TRAPPC2: variants seen among roughly 807,000 people sequenced by gnomAD.
TRAPPC2 encodes trafficking protein particle complex subunit 2, also known as sedlin.
TRAPPC2 carries 4 observed loss-of-function variants against 10.0 expected under a neutral mutation model. The ratio of observed to expected loss-of-function variants is 0.40; its 90% CI spans 0.20 to 0.92. TRAPPC2 has a LOEUF of 0.92. Ranked by LOEUF, TRAPPC2 falls within the 40% of genes least tolerant of loss-of-function variation. TRAPPC2 has a pLI of 0.35. For synonymous variants in TRAPPC2, 36 were observed against 37.3 expected (o/e 0.97, Z 0.12); for missense variants, 52 against 108.7 (o/e 0.48, Z 2.32).
chrX:13,727,453 A>C (rs147129299), intron 2 of TRAPPC2, among the ~76,000 whole-genome samples: 1,589 of 112,387 alleles, frequency 0.014, 27 homozygotes, highest in African/African-American at 0.048. Flanking sequence ...ACTCACTCAA[A>C]ACTGCTCAAC....
intron 2 of TRAPPC2, among the ~76,000 whole-genome samples, chrX:13,727,340 C>CTAAA (rs1290979825): frequency 8.9e-6 from 1 of 112,208 alleles, no homozygotes; most frequent in African/African-American, 3.2e-5. Context: ...AAATTGACTA[C>CTAAA]ATAATTGGAA....
At position 13,714,143 on chromosome X, in the gene TRAPPC2, G is replaced by GAAAAAA. The variant is rs1057515794; in HGVS notation, c.*258_*263dup. The GAAAAAA allele has an allele frequency of 3.2e-5, 2 of 62,698 alleles. No individual in the cohort carries two copies. Among genetic ancestry groups the GAAAAAA allele is most frequent in the Non-Finnish European group, 2.9e-5 (1 of 34,975 alleles). 5.2% of individuals were successfully genotyped at this position (62,698 alleles called of 1,213,427 possible). A position where few individuals can be genotyped will look rare whatever the true frequency, so the allele number is the denominator to read the frequency against. The stretch of plus-strand genomic sequence containing the variant: ...GGCAACAGAGTGAGACTCTGTATCA[G>GAAAAAA]AAAAAAAAAAAAAAAAAAAACATGA... On this transcript the variant is annotated 3_prime_UTR_variant, in exon 6 of 6. Transcript: ENST00000380579.
At chrX:13,721,974 A>G (rs1256297386) in intron 2 of TRAPPC2, 2 of 110,384 alleles carry the variant, frequency 1.8e-5, no homozygotes, top group African/African-American at 6.6e-5. Flanking sequence ...TAGGGGAAAG[A>G]TAAGAAAAAG....
At chrX:13,728,502 CAT>C (rs1178755398) in intron 2 of TRAPPC2, among the ~76,000 whole-genome samples, 4 of 112,140 alleles carry the variant, frequency 3.6e-5, no homozygotes, top group South Asian at 3.7e-4. Flanking sequence ...ACAAAATCCA[CAT>C]GATTATCTCA....
At position 13,713,459 on chromosome X, in the gene TRAPPC2, AAAAAAC is replaced by A. The variant is rs2046241937; in HGVS notation, c.*942_*947del. ...GAGCAAGACTCCATCTCAAAAAAACAAAAAACAAAAAACAAAAACAAAAACCCACAA... is the reference window on the plus strand; with the variant it reads ...GAGCAAGACTCCATCTCAAAAAAACAAAAAAACAAAAACAAAAACCCACAA... On this transcript the variant is annotated 3_prime_UTR_variant, in exon 6 of 6. Coordinates refer to ENST00000380579, the MANE Select transcript of TRAPPC2 (RefSeq NM_001011658.4). 1 of 106,646 alleles carries A rather than the reference AAAAAAC, an allele frequency of 9.4e-6. No individual in the cohort carries two copies. The highest frequency in any genetic ancestry group is 1.9e-5 in the Non-Finnish European group (1 of 51,969). The allele number at this position is 106,646 out of a possible 1,213,427, so 8.8% of individuals were successfully genotyped here.
At chrX:13,729,847 G>T (rs191318767) in intron 2 of TRAPPC2, among the ~76,000 whole-genome samples, 146 of 112,019 alleles carry the variant, frequency 1.3e-3, no homozygotes, top group Non-Finnish European at 2.3e-3. Flanking sequence ...GGTGGAGGTT[G>T]CAGTGAGTCA....
In TRAPPC2 at chrX:13,713,103, C is replaced by CA. The variant is rs35590746; in HGVS notation, c.*1303dup. 2,218 of 68,917 alleles carry CA rather than the reference C, an allele frequency of 0.032. 83 individuals carry two copies. The highest frequency in any genetic ancestry group is 0.11 in the African/African-American group (1,916 of 17,751). The allele number at this position is 68,917 out of a possible 1,213,427, so 5.7% of individuals were successfully genotyped here. ...TGGACAACAGAGCGAAACTCCATCT[C>CA]AAAAAAAAAAAAAAAACCCCAAAGA... On this transcript the variant is annotated 3_prime_UTR_variant, in exon 6 of 6. Transcript: ENST00000380579.
At position 13,712,247 on chromosome X, in the gene TRAPPC2, G is replaced by C. The variant is rs1176167583; in HGVS notation, c.*2160C>G. On this transcript the variant is annotated 3_prime_UTR_variant, in exon 6 of 6. Coordinates refer to ENST00000380579, the MANE Select transcript of TRAPPC2 (RefSeq NM_001011658.4). ...ATGGATATTAAACTACCACGATCTT[G>C]AGCAAACATCTTTATTTAAGAAATC... 1.8e-5 allele frequency: 2 copies of C among 111,789 alleles called. No homozygotes were observed. The highest frequency in any genetic ancestry group is 6.5e-5 in the African/African-American group (2 of 30,696). The allele number at this position is 111,789 out of a possible 1,213,427, so 9.2% of individuals were successfully genotyped here.
intron 2 of TRAPPC2, chrX:13,722,353 A>C (rs1263689468): frequency 9.0e-6 from 1 of 110,755 alleles, no homozygotes; most frequent in African/African-American, 3.3e-5. Flanking sequence ...GCGCTAAGTC[A>C]GCAGGAAGAC....
intron 2 of TRAPPC2, among the ~76,000 whole-genome samples, chrX:13,733,232 C>T (rs2046717411): frequency 9.0e-6 from 1 of 111,005 alleles, no homozygotes; most frequent in Non-Finnish European, 1.9e-5. Context: ...TTTCATCATT[C>T]CACTCAAAAG....
rs1355414200 is a variant in TRAPPC2 at position 13,713,459 on chromosome X, A to AAAAAAAAAC, written c.*947_*948insGTTTTTTTT. 1 of 106,646 alleles carries AAAAAAAAAC rather than the reference A, an allele frequency of 9.4e-6. No homozygotes were observed. Among genetic ancestry groups the AAAAAAAAAC allele is most frequent in the African/African-American group, 3.5e-5 (1 of 28,811 alleles). The allele number at this position is 106,646 out of a possible 1,213,427, so 8.8% of individuals were successfully genotyped here. Reference sequence around the variant, plus strand: ...GAGCAAGACTCCATCTCAAAAAAACAAAAAACAAAAAACAAAAACAAAAAC... The same window carrying AAAAAAAAAC: ...GAGCAAGACTCCATCTCAAAAAAACAAAAAAAAACAAAAACAAAAAACAAAAACAAAAAC... On this transcript the variant is annotated 3_prime_UTR_variant, in exon 6 of 6. Coordinates refer to ENST00000380579, the MANE Select transcript of TRAPPC2 (RefSeq NM_001011658.4).
intron 2 of TRAPPC2, among the ~76,000 whole-genome samples, chrX:13,728,152 T>G (rs978710236): frequency 1.8e-5 from 2 of 111,671 alleles, no homozygotes; most frequent in African/African-American, 3.3e-5. Context: ...TGGATTCACA[T>G]CCGAATTCTA....
intron 2 of TRAPPC2, chrX:13,721,743 C>T (rs1399586432): frequency 1.1e-5 from 1 of 94,724 alleles, no homozygotes; most frequent in Non-Finnish European, 2.0e-5. Context: ...GAACTCCTGG[C>T]ATGATGACGT....
chrX:13,731,962 G>T (rs1219724340), intron 2 of TRAPPC2, among the ~76,000 whole-genome samples: 1 of 112,092 alleles, frequency 8.9e-6, no homozygotes, highest in Non-Finnish European at 1.9e-5. Flanking sequence ...AAGAGGATAA[G>T]AAAGCAAGCC....
At chrX:13,716,309 G>C in intron 4 of TRAPPC2, 2 of 548,441 alleles carry the variant, frequency 3.6e-6, no homozygotes, top group Non-Finnish European at 5.8e-6. Context: ...CCCTTGATAG[G>C]GTCCAGATAA....
At chrX:13,717,370 G>A (rs1004372800) in intron 3 of TRAPPC2, among the ~76,000 whole-genome samples, 2 of 112,294 alleles carry the variant, frequency 1.8e-5, no homozygotes, top group Non-Finnish European at 3.8e-5. Flanking sequence ...GTGAACAGAA[G>A]GTGGGACTGT....
intron 5 of TRAPPC2, among the ~76,000 whole-genome samples, chrX:13,714,952 A>G (rs764752821): frequency 8.9e-6 from 1 of 112,492 alleles, no homozygotes; most frequent in African/African-American, 3.2e-5. Flanking sequence ...CTGCTAAATG[A>G]TCAGCTTCTC....
chrX:13,731,530 A>T (rs2046677282), intron 2 of TRAPPC2, among the ~76,000 whole-genome samples: 1 of 112,345 alleles, frequency 8.9e-6, no homozygotes, highest in Non-Finnish European at 1.9e-5. Context: ...TATCTACCTA[A>T]GAACAAACTG....
chrX:13,718,253 C>T (rs1460098652), intron 3 of TRAPPC2, among the ~76,000 whole-genome samples: 1 of 113,047 alleles, frequency 8.8e-6, no homozygotes. Flanking sequence ...GGAGGGCGGC[C>T]CGTTGCCGTG....
Sources: gnomAD v4.1 joint callset for allele counts (sites outside exome capture counted in the v4.1 genomes callset) on GRCh38, gnomAD v4.1.1 for gene constraint, MANE v1.5 for transcripts, NCBI Gene and HGNC (gene_info 2026-07-23, HGNC 2026-07-21) for gene names.